ZDHHC14: variants seen among roughly 807,000 people sequenced by gnomAD.
The protein encoded by ZDHHC14 is zDHHC palmitoyltransferase 14, also known as palmitoyltransferase ZDHHC14.
Under a neutral mutation model 47.7 loss-of-function variants are expected in ZDHHC14, and 16 were observed. The observed-to-expected ratio is 0.34, with a 90% CI of 0.23 to 0.51. ZDHHC14 has a LOEUF of 0.51. Among genes scored for constraint, ZDHHC14 ranks in the 20% least tolerant of loss-of-function variants. The pLI is 0.97. For missense variants in ZDHHC14, 515 were observed against 662.5 expected (o/e 0.78, Z 2.44); for synonymous variants, 293 against 278.9 (o/e 1.05, Z -0.50).
chr6:157,635,765 C>T (rs996768260), intron 5 of ZDHHC14, among the ~76,000 whole-genome samples: 3 of 152,156 alleles, frequency 2.0e-5, no homozygotes, highest in African/African-American at 7.2e-5. Flanking sequence ...GCGTGCTGGC[C>T]GTGCCCGGAG....
At chr6:157,504,539 G>A (rs1206277608) in intron 1 of ZDHHC14, among the ~76,000 whole-genome samples, 1 of 91,486 alleles carries the variant, frequency 1.1e-5, no homozygotes, top group Admixed American at 1.5e-4. Flanking sequence ...TGCAGCCTCC[G>A]GCTCCTGGGT....
intron 2 of ZDHHC14, among the ~76,000 whole-genome samples, chr6:157,587,122 C>A (rs1480381953): frequency 6.6e-6 from 1 of 152,170 alleles, no homozygotes; most frequent in South Asian, 2.1e-4. Context: ...GAAATTAACA[C>A]AAATGTTTGA....
chr6:157,452,598 A>C (rs1179622270), intron 1 of ZDHHC14, among the ~76,000 whole-genome samples: 2 of 150,954 alleles, frequency 1.3e-5, no homozygotes, highest in African/African-American at 4.9e-5. Context: ...TTAATTTTCT[A>C]TACTGCCAAG....
chr6:157,558,950 C>G (rs2135209), intron 2 of ZDHHC14, among the ~76,000 whole-genome samples: 239 of 152,176 alleles, frequency 1.6e-3, no homozygotes, highest in African/African-American at 5.4e-3. Flanking sequence ...CCCCAGCTCT[C>G]TAATACAAAT....
chr6:157,529,274 T>C (rs553991955), intron 1 of ZDHHC14: 1 of 154,516 alleles, frequency 6.5e-6, no homozygotes, highest in Non-Finnish European at 1.5e-5. Flanking sequence ...AACCTGGGAA[T>C]TTTAGAAAGT....
At chr6:157,667,739 G>A (rs538625321) in intron 8 of ZDHHC14, among the ~76,000 whole-genome samples, 3 of 152,268 alleles carry the variant, frequency 2.0e-5, no homozygotes, top group Admixed American at 2.0e-4. Context: ...GAAGGTTTAT[G>A]AACCCATCGC....
chr6:157,664,788 T>A (rs605800), intron 8 of ZDHHC14, among the ~76,000 whole-genome samples: 1 of 152,006 alleles, frequency 6.6e-6, no homozygotes, highest in East Asian at 1.9e-4. Flanking sequence ...CAGCCACATC[T>A]CAGCTGCTAT....
At chr6:157,650,188 G>A (rs1303440267) in intron 7 of ZDHHC14, among the ~76,000 whole-genome samples, 4 of 152,348 alleles carry the variant, frequency 2.6e-5, no homozygotes, top group Admixed American at 6.5e-5. Flanking sequence ...TGCGTGGGCC[G>A]CCCAAGAGTA....
intron 1 of ZDHHC14, among the ~76,000 whole-genome samples, chr6:157,395,852 A>G (rs377044416): frequency 1.6e-4 from 25 of 152,236 alleles, no homozygotes; most frequent in Admixed American, 1.6e-3. Context: ...ATATAGTGAT[A>G]GACTCATATG....
chr6:157,509,502 AAT>A (rs751396605), intron 1 of ZDHHC14, among the ~76,000 whole-genome samples: 2 of 152,152 alleles, frequency 1.3e-5, no homozygotes, highest in Non-Finnish European at 2.9e-5. Context: ...AGAGAAGTGA[AAT>A]GACTTTCCAA....
At chr6:157,400,799 G>A (rs775346642) in intron 1 of ZDHHC14, among the ~76,000 whole-genome samples, 1 of 152,174 alleles carries the variant, frequency 6.6e-6, no homozygotes, top group Admixed American at 6.5e-5. Flanking sequence ...ACCCTGCAGC[G>A]TTCCCCCAGG....
chr6:157,382,995 C>T (rs1301005035), intron 1 of ZDHHC14, among the ~76,000 whole-genome samples: 2 of 152,224 alleles, frequency 1.3e-5, no homozygotes, highest in Non-Finnish European at 2.9e-5. Context: ...GATGACACTA[C>T]GTGACAACTT....
intron 1 of ZDHHC14, among the ~76,000 whole-genome samples, chr6:157,393,131 G>A (rs1035196549): frequency 5.9e-5 from 9 of 152,206 alleles, no homozygotes; most frequent in East Asian, 5.8e-4. Flanking sequence ...CGCCTGCCTC[G>A]GCCTCTCAAA....
intron 2 of ZDHHC14, among the ~76,000 whole-genome samples, chr6:157,549,456 C>G (rs1782132674): frequency 6.6e-6 from 1 of 152,160 alleles, no homozygotes; most frequent in Non-Finnish European, 1.5e-5. Context: ...GGGGGAGTCC[C>G]ATCGTGCCGG....
At chr6:157,509,383 C>G (rs1020168387) in intron 1 of ZDHHC14, among the ~76,000 whole-genome samples, 2 of 152,170 alleles carry the variant, frequency 1.3e-5, no homozygotes, top group Non-Finnish European at 2.9e-5. Context: ...TGAGTCTTAA[C>G]CACTTTGTGA....
In ZDHHC14 at chr6:157,437,991, G is replaced by A. The variant is rs1291589923; in HGVS notation, c.245+55725G>A. Among the ~76,000 whole-genome samples the A allele has an allele frequency of 2.6e-5, 4 of 151,882 alleles. No homozygotes were observed. In the East Asian group the frequency reaches 7.7e-4, roughly 29 times the overall value. ...TAGGTATAAAGCTAATTAAAAGTTA[G>A]GTGTACTGAACTATCATGTTTTTTT... On this transcript the variant is annotated intron_variant, in intron 1 of 8. Coordinates refer to ENST00000359775, the MANE Select transcript of ZDHHC14 (RefSeq NM_024630.3).
rs144112570 is a variant in ZDHHC14 at position 157,520,143 on chromosome 6, C to T, written c.246-22442C>T. Among the ~76,000 whole-genome samples the T allele has an allele frequency of 4.2e-3, 641 of 152,264 alleles. 15 individuals carry two copies. The East Asian group carries it at 0.074, about 18-fold the overall frequency. On this transcript the variant is annotated intron_variant, in intron 1 of 8. Transcript: ENST00000359775. ...CCTCTCCAGAGGTGTCACTGTGTTC[C>T]ATCCTAGCCGTGTCCTGATCTGGGG... is the stretch of plus-strand genomic sequence containing the variant.
At chr6:157,635,558 G>A (rs1776931034) in intron 5 of ZDHHC14, among the ~76,000 whole-genome samples, 1 of 152,242 alleles carries the variant, frequency 6.6e-6, no homozygotes, top group African/African-American at 2.4e-5. Flanking sequence ...AGGAAATACA[G>A]GAAAGACTCA....
chr6:157,606,982 T>C (rs1784562585), intron 3 of ZDHHC14, among the ~76,000 whole-genome samples: 1 of 152,246 alleles, frequency 6.6e-6, no homozygotes, highest in Non-Finnish European at 1.5e-5. Context: ...CAGCATAACA[T>C]TTACACTTGC....
Sources: allele counts gnomAD v4.1 joint callset (sites outside exome capture counted in the v4.1 genomes callset), GRCh38; gene constraint gnomAD v4.1.1; transcripts MANE v1.5; gene names NCBI Gene and HGNC (gene_info 2026-07-23, HGNC 2026-07-21).